The following SGIP1 variants were observed in gnomAD, a reference collection of about 807,000 sequenced individuals.
SGIP1 encodes SH3-containing GRB2-like protein 3-interacting protein 1.
SGIP1 carries 38 observed loss-of-function variants against 107.5 expected under a neutral mutation model. That is an observed-to-expected ratio of 0.35 (90% confidence interval 0.27 to 0.46). The LOEUF (loss-of-function observed/expected upper bound fraction) is 0.46, where lower values mean the gene tolerates loss of function less well. Ranked by LOEUF, SGIP1 falls within the 20% of genes least tolerant of loss-of-function variation. The pLI, the probability that SGIP1 is intolerant of heterozygous loss-of-function variation, is 1.00. For synonymous variants in SGIP1, 365 were observed against 366.1 expected (o/e 1.00, Z 0.03); for missense variants, 929 against 1,019.5 (o/e 0.91, Z 1.21).
chr1:66,663,585 A>T lies in SGIP1; in HGVS notation c.471+3061A>T, dbSNP rs375065450. Among the ~76,000 whole-genome samples the T allele has an allele frequency of 4.6e-5, 7 of 152,196 alleles. No individual in the cohort carries two copies. The East Asian group carries it at 1.2e-3, about 25-fold the overall frequency. On this transcript the variant is annotated intron_variant, in intron 8 of 24. Transcript: ENST00000371037. Reference sequence around the variant, plus strand: ...ATTATTTTCCTATTGAAGCTTTCAGATAGCTCTTAATTATAGACCTTGAGG... The same window carrying T: ...ATTATTTTCCTATTGAAGCTTTCAGTTAGCTCTTAATTATAGACCTTGAGG...
rs142435632 is a variant in SGIP1, at chr1:66,627,341, G to T, written c.74+1431G>T. ...GGAACAACAAAAGCAAAAGTGGAAAGGTAGTAAAGTCCACTAGGCATTTAC... is the reference window on the plus strand; with the variant it reads ...GGAACAACAAAAGCAAAAGTGGAAATGTAGTAAAGTCCACTAGGCATTTAC... On this transcript the variant is annotated intron_variant, in intron 2 of 24. Coordinates refer to ENST00000371037, the MANE Select transcript of SGIP1 (RefSeq NM_032291.4). Among the ~76,000 whole-genome samples, 636 of 152,214 alleles carry T rather than the reference G, an allele frequency of 4.2e-3. 4 individuals are homozygous for T. The highest frequency in any genetic ancestry group is 0.015 in the African/African-American group (606 of 41,524).
chr1:66,709,764 T>C (rs2092785430), intron 18 of SGIP1, among the ~76,000 whole-genome samples: 1 of 152,258 alleles, frequency 6.6e-6, no homozygotes, highest in South Asian at 2.1e-4. Flanking sequence ...GGGATAACAA[T>C]ACATCTTTCT....
At chr1:66,578,700 T>A (rs2061413954) in intron 1 of SGIP1, among the ~76,000 whole-genome samples, 1 of 152,172 alleles carries the variant, frequency 6.6e-6, no homozygotes, top group Non-Finnish European at 1.5e-5. Flanking sequence ...AGATGGAGTT[T>A]CACTCTTGTT....
intron 9 of SGIP1, among the ~76,000 whole-genome samples, chr1:66,669,879 A>C (rs181678918): frequency 6.6e-6 from 1 of 152,310 alleles, no homozygotes; most frequent in Non-Finnish European, 1.5e-5. Context: ...CGAGGGAAAG[A>C]AGCTTCTTAT....
At chr1:66,701,504 G>A (rs2091906114) in intron 18 of SGIP1, among the ~76,000 whole-genome samples, 1 of 152,154 alleles carries the variant, frequency 6.6e-6, no homozygotes, top group East Asian at 1.9e-4. Context: ...GGACTGTATT[G>A]TCTATCTAAA....
chr1:66,680,115 G>T (rs1415088116), intron 14 of SGIP1, among the ~76,000 whole-genome samples: 1 of 152,188 alleles, frequency 6.6e-6, no homozygotes, highest in African/African-American at 2.4e-5. Context: ...TCAAAGCACA[G>T]TTGGTATTTT....
chr1:66,592,897 C>CTTT (rs35762612), intron 1 of SGIP1, among the ~76,000 whole-genome samples: 2,029 of 56,368 alleles, frequency 0.036, 12 homozygotes, highest in Non-Finnish European at 0.047. Context: ...TCTTCTTCTT[C>CTTT]TTTTTTTTTT....
At chr1:66,562,063 C>T (rs2059025021) in intron 1 of SGIP1, among the ~76,000 whole-genome samples, 1 of 151,574 alleles carries the variant, frequency 6.6e-6, no homozygotes, top group Non-Finnish European at 1.5e-5. Flanking sequence ...TCTTCTGTAT[C>T]AGTTTAAATA....
chr1:66,575,310 G>A (rs763839474), intron 1 of SGIP1, among the ~76,000 whole-genome samples: 10 of 152,082 alleles, frequency 6.6e-5, no homozygotes, highest in Non-Finnish European at 1.0e-4. Context: ...CCTAATTACC[G>A]TCAATAATGT....
chr1:66,584,788 G>A (rs1392894757), intron 1 of SGIP1, among the ~76,000 whole-genome samples: 2 of 152,182 alleles, frequency 1.3e-5, no homozygotes, highest in East Asian at 1.9e-4. Flanking sequence ...CCAAATTTCT[G>A]TGCTCCTGGG....
At chr1:66,665,658 C>T (rs913185819) in intron 8 of SGIP1, among the ~76,000 whole-genome samples, 4 of 152,180 alleles carry the variant, frequency 2.6e-5, no homozygotes, top group Non-Finnish European at 5.9e-5. Flanking sequence ...TTAGTGATTG[C>T]CATTCTAACT....
intron 1 of SGIP1, among the ~76,000 whole-genome samples, chr1:66,545,689 G>C (rs2056231730): frequency 6.7e-6 from 1 of 149,284 alleles, no homozygotes; most frequent in East Asian, 2.0e-4. Context: ...GAGAGAAAGA[G>C]AGAGAGGAAT....
chr1:66,633,719 C>T (rs1454187645), intron 3 of SGIP1, among the ~76,000 whole-genome samples: 2 of 151,928 alleles, frequency 1.3e-5, no homozygotes, highest in South Asian at 2.1e-4. Context: ...GTTGTGCTTA[C>T]GGGAGTCTGC....
At chr1:66,655,412 A>T (rs184893102) in intron 7 of SGIP1, among the ~76,000 whole-genome samples, 2 of 152,076 alleles carry the variant, frequency 1.3e-5, no homozygotes, top group African/African-American at 4.8e-5. Context: ...GAATTCCTGA[A>T]CCCCTTTATT....
rs2094530539 is a variant in SGIP1, at chr1:66,744,739, T to C, written c.*1644T>C. ...TTTGTACTCCTCTATCAGTGCTTGC[T>C]ACCAAGAGAATGTCCAAAATGATTT... On this transcript the variant is annotated 3_prime_UTR_variant, in exon 25 of 25. Transcript: ENST00000371037. The C allele has an allele frequency of 6.6e-6, 1 of 152,464 alleles. No homozygotes were observed. 9.4% of individuals were successfully genotyped at this position (152,464 alleles called of 1,614,324 possible). A position where few individuals can be genotyped will look rare whatever the true frequency, so the allele number is the denominator to read the frequency against.
intron 14 of SGIP1, 116 bp from the exon 15 acceptor site, chr1:66,681,753 T>C: frequency 1.0e-6 from 1 of 990,794 alleles, no homozygotes; most frequent in Non-Finnish European, 1.5e-6. Flanking sequence ...CATCATGAAG[T>C]ATGCCCACTG....
At chr1:66,684,512 G>A (rs1293937698) in intron 15 of SGIP1, among the ~76,000 whole-genome samples, 5 of 152,160 alleles carry the variant, frequency 3.3e-5, no homozygotes, top group South Asian at 2.1e-4. Context: ...TTACTCGTCC[G>A]TTATAAAAGA....
At chr1:66,619,572 C>T (rs1239452694) in intron 1 of SGIP1, among the ~76,000 whole-genome samples, 2 of 152,200 alleles carry the variant, frequency 1.3e-5, no homozygotes, top group African/African-American at 4.8e-5. Context: ...TGCTAAGATG[C>T]TGATAGGAAG....
intron 1 of SGIP1, among the ~76,000 whole-genome samples, chr1:66,604,622 T>C (rs112370243): frequency 1.3e-5 from 2 of 152,336 alleles, no homozygotes; most frequent in African/African-American, 2.4e-5. Context: ...GACAAAATAA[T>C]GCTTATCTCA....
Sources: gnomAD v4.1 joint callset for allele counts (sites outside exome capture counted in the v4.1 genomes callset) on GRCh38, gnomAD v4.1.1 for gene constraint, MANE v1.5 for transcripts, NCBI Gene and HGNC (gene_info 2026-07-23, HGNC 2026-07-21) for gene names.